The following PRICKLE2 variants were observed in gnomAD, a reference collection of about 807,000 sequenced individuals.
PRICKLE2 encodes prickle planar cell polarity protein 2, also known as prickle-like protein 2.
In PRICKLE2, 21 loss-of-function variants were observed where a neutral mutation model predicts 81.4. That is an observed-to-expected ratio of 0.26 (90% CI 0.18 to 0.37). The LOEUF (loss-of-function observed/expected upper bound fraction) is 0.37. PRICKLE2 is among the 10% of genes least tolerant of loss of function. The pLI, the probability that PRICKLE2 is intolerant of heterozygous loss-of-function variation, is 1.00. For synonymous variants in PRICKLE2, 456 were observed against 421.5 expected (o/e 1.08, Z -1.00); for missense variants, 940 against 1,109.0 (o/e 0.85, Z 2.16).
At chr3:64,124,305 G>A (rs1417151066) in intron 7 of PRICKLE2, among the ~76,000 whole-genome samples, 1 of 152,172 alleles carries the variant, frequency 6.6e-6, no homozygotes, top group Non-Finnish European at 1.5e-5. Flanking sequence ...TGAGGTTTAA[G>A]GAAAGAAGCC....
chr3:64,141,728 G>T, intron 7 of PRICKLE2: 1 of 848,686 alleles, frequency 1.2e-6, no homozygotes, highest in Non-Finnish European at 1.4e-6. Flanking sequence ...AGGCTGACAA[G>T]CCAGTGCAGC....
At chr3:64,137,376 C>A (rs2077293916) in intron 7 of PRICKLE2, among the ~76,000 whole-genome samples, 1 of 152,194 alleles carries the variant, frequency 6.6e-6, no homozygotes, top group South Asian at 2.1e-4. Context: ...CCCAACCCCA[C>A]CACTGCTGGC....
At chr3:64,168,077 T>C (rs747355147) in intron 2 of PRICKLE2, among the ~76,000 whole-genome samples, 6 of 152,190 alleles carry the variant, frequency 3.9e-5, no homozygotes, top group Non-Finnish European at 8.8e-5. Context: ...CACACCTAGA[T>C]ATATGATTCA....
intron 7 of PRICKLE2, among the ~76,000 whole-genome samples, chr3:64,128,728 A>G (rs2077150446): frequency 1.5e-5 from 2 of 134,858 alleles, no homozygotes; most frequent in Admixed American, 1.6e-4. Flanking sequence ...CCTGGGCAAC[A>G]GTGTAAGACT....
chr3:64,152,887 G>A (rs1015975054), intron 6 of PRICKLE2, among the ~76,000 whole-genome samples: 1 of 152,140 alleles, frequency 6.6e-6, no homozygotes, highest in Non-Finnish European at 1.5e-5. Flanking sequence ...TATCACTAGT[G>A]AGTCATCTCG....
intron 2 of PRICKLE2, among the ~76,000 whole-genome samples, chr3:64,183,848 C>T (rs2078175427): frequency 6.6e-6 from 1 of 152,212 alleles, no homozygotes; most frequent in Admixed American, 6.5e-5. Flanking sequence ...TTTTTCTGCA[C>T]TTGAATGCTC....
intron 1 of PRICKLE2, among the ~76,000 whole-genome samples, chr3:64,224,572 G>A (rs959921895): frequency 2.6e-5 from 4 of 152,122 alleles, no homozygotes; most frequent in Admixed American, 1.3e-4. Flanking sequence ...GTACATGAAC[G>A]CTATCAGGTA....
intron 7 of PRICKLE2, among the ~76,000 whole-genome samples, chr3:64,120,132 G>C (rs1364312073): frequency 6.6e-6 from 1 of 152,026 alleles, no homozygotes; most frequent in Non-Finnish European, 1.5e-5. Context: ...GTGACAGGAG[G>C]AATCATACCC....
At chr3:64,250,436 G>A (rs1392960441) in intron 2 of PRICKLE2, among the ~76,000 whole-genome samples, 1 of 152,188 alleles carries the variant, frequency 6.6e-6, no homozygotes, top group East Asian at 1.9e-4. Context: ...CTGCTGGGCT[G>A]TTGCAGAGGC....
intron 7 of PRICKLE2, among the ~76,000 whole-genome samples, chr3:64,128,638 CAGGAGGCTG>C (rs1333758002): frequency 6.6e-6 from 1 of 150,410 alleles, no homozygotes; most frequent in Non-Finnish European, 1.5e-5. Flanking sequence ...TCCAGCTACT[CAGGAGGCTG>C]AGGCAGGAGA....
intron 1 of PRICKLE2, among the ~76,000 whole-genome samples, chr3:64,208,870 A>T (rs986439320): frequency 6.6e-5 from 10 of 152,182 alleles, no homozygotes; most frequent in African/African-American, 2.4e-4. Flanking sequence ...GTACAGTGTC[A>T]AAATATTCCT....
At chr3:64,181,348 T>C (rs2078129977) in intron 2 of PRICKLE2, among the ~76,000 whole-genome samples, 1 of 152,146 alleles carries the variant, frequency 6.6e-6, no homozygotes, top group Non-Finnish European at 1.5e-5. Context: ...GCAGGCATCC[T>C]TCCGCATCCT....
At position 64,198,860 on chromosome 3, in the gene PRICKLE2, T is replaced by C; in HGVS notation, c.68A>G (p.Asn23Ser). 1.9e-6 allele frequency: 3 copies of C among 1,614,066 alleles called. No individual in the cohort carries two copies. The highest frequency in any genetic ancestry group is 2.7e-5 in the African/African-American group (2 of 74,988). ...ISKLMFDFQR[N>S]STSDDDSGCA... ...GCCTGAGTCATCATCTGAGGTCGAG[T>C]TCCTCTGAAAGTCAAACATGAGTTT... The change falls in exon 2 of 8, where the codon AAC becomes AGC. Residue 23 changes from asparagine (N) to serine (S), a missense_variant. This residue lies in a region of PRICKLE2 where 270 missense variants were observed against 391.8 expected (regional missense o/e 0.69). Transcript: ENST00000638394.
At position 64,163,261 on chromosome 3, in the gene PRICKLE2, C is replaced by G; in HGVS notation, c.145-132G>C. On this transcript the variant is annotated intron_variant, in intron 2 of 7. Coordinates refer to ENST00000638394, the MANE Select transcript of PRICKLE2 (RefSeq NM_198859.4). ...AGTCCTGACTCTTTATGAAAGTCAA[C>G]AGCAGATGAGTTTCCTATGGTAAGC... 3 of 734,876 alleles carry G rather than the reference C, an allele frequency of 4.1e-6. No individual in the cohort carries two copies. The Admixed American group carries it at 5.6e-5, about 14-fold the overall frequency. The allele number at this position is 734,876 out of a possible 1,614,324, so 45.5% of individuals were successfully genotyped here. A position where few individuals can be genotyped will look rare whatever the true frequency, so the allele number is the denominator to read the frequency against.
At chr3:64,246,836 T>C (rs2079364232) in intron 2 of PRICKLE2, among the ~76,000 whole-genome samples, 1 of 152,200 alleles carries the variant, frequency 6.6e-6, no homozygotes, top group Admixed American at 6.5e-5. Flanking sequence ...ATTTCAAAAA[T>C]TATTGGTAGA....
At chr3:64,173,986 G>C (rs1330487243) in intron 2 of PRICKLE2, among the ~76,000 whole-genome samples, 1 of 152,142 alleles carries the variant, frequency 6.6e-6, no homozygotes, top group Admixed American at 6.6e-5. Flanking sequence ...TCAAAGTAAA[G>C]AGGATGTGAG....
intron 1 of PRICKLE2, chr3:64,200,956 G>T (rs1224699172): frequency 1.4e-5 from 2 of 141,832 alleles, no homozygotes; most frequent in Non-Finnish European, 1.5e-5. Context: ...TTGAGATGGA[G>T]TCTTGCTCTG....
chr3:64,184,618 C>T (rs1345381236), intron 2 of PRICKLE2, among the ~76,000 whole-genome samples: 1 of 151,150 alleles, frequency 6.6e-6, no homozygotes, highest in African/African-American at 2.4e-5. Context: ...GGGCTACAGG[C>T]CCACACCAAT....
rs747273296 is a variant in PRICKLE2 at position 64,146,910 on chromosome 3, A to G, written c.1580T>C (p.Leu527Pro). 6.2e-7 allele frequency: 1 copy of G among 1,614,094 alleles called. No individual in the cohort carries two copies. The highest frequency in any genetic ancestry group is 2.2e-5 in the East Asian group (1 of 44,872). ...QCRTRHPISS[L>P]KYTEDMTPTE... ...GGGCGTCATGTCCTCTGTGTATTTCAGGGAACTGATGGGATGACGGGTCCG... is the reference window on the plus strand; with the variant it reads ...GGGCGTCATGTCCTCTGTGTATTTCGGGGAACTGATGGGATGACGGGTCCG... Residue 527 changes from leucine (L) to proline (P), a missense_variant, in exon 7 of 8, where the codon CTG becomes CCG. Leu to Pro is a moderately conservative substitution (Grantham distance 98). Transcript: ENST00000638394.
Sources: allele counts gnomAD v4.1 joint callset (sites outside exome capture counted in the v4.1 genomes callset), GRCh38; gene constraint gnomAD v4.1.1; regional missense constraint gnomAD v4.1.1; transcripts MANE v1.5; gene names NCBI Gene and HGNC (gene_info 2026-07-23, HGNC 2026-07-21).